Variants in EPN1 observed in about 807,000 individuals in gnomAD.
EPN1 encodes epsin 1.
A neutral mutation model predicts 56.9 loss-of-function variants in EPN1; 25 were observed. The observed-to-expected ratio is 0.44, with a 90% CI of 0.32 to 0.61. The LOEUF (loss-of-function observed/expected upper bound fraction) is 0.61, where lower values mean the gene tolerates loss of function less well. EPN1 is among the 20% of genes least tolerant of loss of function. EPN1 has a pLI of 0.05. For synonymous variants in EPN1, 411 were observed against 361.8 expected, an observed-to-expected ratio of 1.14 and a Z score of -1.54; for missense variants, 785 against 823.7, an observed-to-expected ratio of 0.95 and a Z score of 0.58.
At position 55,689,421 on chromosome 19, in the gene EPN1, C is replaced by G. The variant is rs1261322571; in HGVS notation, c.678+50C>G. Reference sequence around the variant, plus strand: ...CCCCTGCCAGGGGCTCCCCTCAGACCAGCCCCGTCGCCCCTTCCTAAGTCA... The same window carrying G: ...CCCCTGCCAGGGGCTCCCCTCAGACGAGCCCCGTCGCCCCTTCCTAAGTCA... On this transcript the variant is annotated intron_variant, in intron 5 of 10. Coordinates refer to ENST00000270460, the MANE Select transcript of EPN1 (RefSeq NM_001130072.2). This position sits in a 1 kb window ranked among gnomAD's most constrained non-coding sequence, Gnocchi z 5.7. 7.0e-6 allele frequency: 10 copies of G among 1,427,408 alleles called. No homozygotes were observed. The highest frequency in any genetic ancestry group is 9.7e-6 in the Non-Finnish European group (10 of 1,035,120). The allele number at this position is 1,427,408 out of a possible 1,614,324, so 88.4% of individuals were successfully genotyped here. A position where few individuals can be genotyped will look rare whatever the true frequency, so the allele number is the denominator to read the frequency against.
At chr19:55,676,529 TAGC>T (rs1317363134) in intron 1 of EPN1, 3 of 152,292 alleles carry the variant, frequency 2.0e-5, no homozygotes, top group Admixed American at 6.5e-5. Context: ...CTGATAATAA[TAGC>T]AGCCAGTGTT....
chr19:55,678,363 C>A, intron 1 of EPN1, 164 bp from the exon 2 acceptor site: 1 of 299,172 alleles, frequency 3.3e-6, no homozygotes, highest in Non-Finnish European at 4.9e-6. Flanking sequence ...AGGAAGGAGG[C>A]AGCCTGTTTG....
At chr19:55,676,240 A>G (rs556996402) in intron 1 of EPN1, among the ~76,000 whole-genome samples, 1 of 152,338 alleles carries the variant, frequency 6.6e-6, no homozygotes, top group East Asian at 1.9e-4. Context: ...TTATTATTAC[A>G]GTGCTTAGAG....
intron 8 of EPN1, 55 bp from the exon 9 acceptor site, chr19:55,692,896 G>C (rs188636234): frequency 8.7e-6 from 14 of 1,601,642 alleles, no homozygotes; most frequent in Non-Finnish European, 9.4e-6. Flanking sequence ...GACTGGAGGT[G>C]GGGGCTGAGG....
Position 55,689,693 on chromosome 19 carries a change from G to A in EPN1, c.679-174G>A, listed in dbSNP as rs955850797. On this transcript the variant is annotated intron_variant, in intron 5 of 10. Transcript: ENST00000270460. The surrounding 1 kb of genome is among the most constrained non-coding windows in gnomAD (Gnocchi z 5.7). The stretch of plus-strand genomic sequence containing the variant: ...CCCCACTCCCCTTATCCCCTGTCCC[G>A]CCTGACCTTTGACCCAGGTGCCCCA... Among the ~76,000 whole-genome samples, 8 of 152,136 alleles carry A rather than the reference G, an allele frequency of 5.3e-5. 1 individual carries two copies. The highest frequency in any genetic ancestry group is 1.4e-4 in the African/African-American group (6 of 41,430).
In EPN1 at chr19:55,695,670, C is replaced by T; in HGVS notation, c.*314C>T. On this transcript the variant is annotated 3_prime_UTR_variant, in exon 11 of 11. Transcript: ENST00000270460. The surrounding 1 kb of genome is among the most constrained non-coding windows in gnomAD (Gnocchi z 4.4). Reference sequence around the variant, plus strand: ...AACCCCCAGTCAGTGTTTGAGCCTCCTCGTTCCCCTCACGCACCCGCTCAC... The same window carrying T: ...AACCCCCAGTCAGTGTTTGAGCCTCTTCGTTCCCCTCACGCACCCGCTCAC... 1 of 397,938 alleles carries T rather than the reference C, an allele frequency of 2.5e-6. No individual in the cohort carries two copies. 24.7% of individuals were successfully genotyped at this position (397,938 alleles called of 1,614,324 possible). A position where few individuals can be genotyped will look rare whatever the true frequency, so the allele number is the denominator to read the frequency against.
chr19:55,695,424 T>A lies in EPN1; in HGVS notation c.*68T>A. ...CCGGCTCCCTGGGAGATCAGTGTTG[T>A]GAGTGCATGTGAAATGGGGGATCCC... is the stretch of plus-strand genomic sequence containing the variant. On this transcript the variant is annotated 3_prime_UTR_variant, in exon 11 of 11. Transcript: ENST00000270460. The surrounding 1 kb of genome is among the most constrained non-coding windows in gnomAD (Gnocchi z 4.4). 1.2e-6 allele frequency: 1 copy of A among 832,374 alleles called. No homozygotes were observed. The highest frequency in any genetic ancestry group is 1.9e-6 in the Non-Finnish European group (1 of 537,138). The allele number at this position is 832,374 out of a possible 1,614,324, so 51.6% of individuals were successfully genotyped here. A position where few individuals can be genotyped will look rare whatever the true frequency, so the allele number is the denominator to read the frequency against.
In EPN1 at chr19:55,705,868, G is replaced by A. The variant is rs1291452262; in HGVS notation, c.*10512G>A. On this transcript the variant is annotated 3_prime_UTR_variant, in exon 11 of 11. Transcript: ENST00000270460. ...GATATATATATATATTTAGAGACAA[G>A]GTCTTGCTCTATCACTAAAGCTGCA... 1.4e-5 allele frequency: 2 copies of A among 140,580 alleles called. No homozygotes were observed. The highest frequency in any genetic ancestry group is 3.1e-5 in the Non-Finnish European group (2 of 64,774). The allele number at this position is 140,580 out of a possible 1,614,324, so 8.7% of individuals were successfully genotyped here.
chr19:55,692,574 G>T (rs539563259), intron 7 of EPN1, 112 bp from the exon 8 acceptor site: 1 of 671,138 alleles, frequency 1.5e-6, no homozygotes, highest in Non-Finnish European at 2.4e-6. Flanking sequence ...TGGGTTTCTG[G>T]GGGGCAGGGG....
At position 55,709,339 on chromosome 19, in the gene EPN1, A is replaced by C; in HGVS notation, c.*13983A>C. The C allele has an allele frequency of 5.3e-6, 1 of 187,312 alleles. No individual in the cohort carries two copies. The highest frequency in any genetic ancestry group is 1.1e-5 in the Non-Finnish European group (1 of 91,226). 11.6% of individuals were successfully genotyped at this position (187,312 alleles called of 1,614,324 possible). A position where few individuals can be genotyped will look rare whatever the true frequency, so the allele number is the denominator to read the frequency against. The stretch of plus-strand genomic sequence containing the variant: ...GATAACTTCCATTCATCTGATGTTC[A>C]TATGCCCTGGCACATCTATTGCTTC... On this transcript the variant is annotated 3_prime_UTR_variant, in exon 11 of 11. Coordinates refer to ENST00000270460, the MANE Select transcript of EPN1 (RefSeq NM_001130072.2).
At chr19:55,677,427 G>C in intron 1 of EPN1, 1 of 677,032 alleles carries the variant, frequency 1.5e-6, no homozygotes, top group Non-Finnish European at 2.5e-6. Context: ...CACCAGTCTC[G>C]GGATGGGTTA....
chr19:55,693,825 C>T (rs1318185716), intron 9 of EPN1, among the ~76,000 whole-genome samples: 1 of 152,194 alleles, frequency 6.6e-6, no homozygotes, highest in African/African-American at 2.4e-5. Context: ...CGTAGAGCAA[C>T]CTTCCAGCAT....
chr19:55,686,094 C>T (rs1192489435), intron 3 of EPN1, among the ~76,000 whole-genome samples: 1 of 152,184 alleles, frequency 6.6e-6, no homozygotes, highest in East Asian at 1.9e-4. Context: ...GCAGGTTGCA[C>T]CAGGCATCTG....
Position 55,703,786 on chromosome 19 carries a change from A to C in EPN1, c.*8430A>C, listed in dbSNP as rs1241656022. 3 of 152,222 alleles carry C rather than the reference A, an allele frequency of 2.0e-5. No individual in the cohort carries two copies. The highest frequency in any genetic ancestry group is 3.8e-4 in the East Asian group (2 of 5,196). 9.4% of individuals were successfully genotyped at this position (152,222 alleles called of 1,614,324 possible). On this transcript the variant is annotated 3_prime_UTR_variant, in exon 11 of 11. Transcript: ENST00000270460. ...AGCATGAGATTTTTTTAATCTTGCC[A>C]ATTTTTGATGGATTTAAGTTTAAGC...
intron 3 of EPN1, among the ~76,000 whole-genome samples, chr19:55,688,619 C>T (rs1672705102): frequency 6.6e-6 from 1 of 152,148 alleles, no homozygotes; most frequent in African/African-American, 2.4e-5. Flanking sequence ...ATCAGACTGA[C>T]TTTTGCTCTG....
At chr19:55,677,864 A>C in intron 1 of EPN1, 1 of 1,226,312 alleles carries the variant, frequency 8.2e-7, no homozygotes, top group South Asian at 2.1e-5. Flanking sequence ...CTCCCTCTCC[A>C]CTTCCTCCTT....
chr19:55,693,013 C>G lies in EPN1; in HGVS notation c.1240C>G (p.Leu414Val). The change falls in exon 9 of 11, where the codon CTG becomes GTG. Residue 414 changes from leucine to valine, a missense_variant. By Grantham distance (32) the Leu-to-Val change is conservative. Transcript: ENST00000270460. ...FSDFDRLRTA[L>V]PTSGSSAGEL... ...TGACTTTGACCGACTCCGCACGGCA[C>G]TGCCGACCTCCGGGAGCAGCGCAGG... is the stretch of plus-strand genomic sequence containing the variant. 6.2e-7 allele frequency: 1 copy of G among 1,613,244 alleles called. No homozygotes were observed. The highest frequency in any genetic ancestry group is 8.5e-7 in the Non-Finnish European group (1 of 1,179,530).
Position 55,706,383 on chromosome 19 carries a change from G to A in EPN1, c.*11027G>A, listed in dbSNP as rs1987418357. The A allele has an allele frequency of 6.6e-6, 1 of 152,102 alleles. No homozygotes were observed. Among genetic ancestry groups the A allele is most frequent in the African/African-American group, 2.4e-5 (1 of 41,050 alleles). The allele number at this position is 152,102 out of a possible 1,614,324, so 9.4% of individuals were successfully genotyped here. ...AAAGTGAAAGAGGGCCGGGCGTGGT[G>A]GCTCATGTCTGAAATCCTAGCACTT... On this transcript the variant is annotated 3_prime_UTR_variant, in exon 11 of 11. Transcript: ENST00000270460.
At position 55,705,270 on chromosome 19, in the gene EPN1, C is replaced by T. The variant is rs1260024917; in HGVS notation, c.*9914C>T. 6 of 152,188 alleles carry T rather than the reference C, an allele frequency of 3.9e-5. No homozygotes were observed. The East Asian group carries it at 7.7e-4, about 19-fold the overall frequency. The allele number at this position is 152,188 out of a possible 1,614,324, so 9.4% of individuals were successfully genotyped here. Reference sequence around the variant, plus strand: ...GGGAGATATGTTTTGTAAACCTGTCCAGGCAACTTTTTTGCCTACGGAAAC... The same window carrying T: ...GGGAGATATGTTTTGTAAACCTGTCTAGGCAACTTTTTTGCCTACGGAAAC... On this transcript the variant is annotated 3_prime_UTR_variant, in exon 11 of 11. Transcript: ENST00000270460.
Sources: gnomAD v4.1 joint callset for allele counts (sites outside exome capture counted in the v4.1 genomes callset) on GRCh38, gnomAD v4.1.1 for gene constraint, Gnocchi (gnomAD v3.1) non-coding constraint, MANE v1.5 for transcripts, NCBI Gene and HGNC (gene_info 2026-07-23, HGNC 2026-07-21) for gene names.